The following ADCY2 variants were observed in gnomAD, a reference collection of about 807,000 sequenced individuals.
The protein encoded by ADCY2 is adenylate cyclase type 2.
Under a neutral mutation model 125.2 loss-of-function variants are expected in ADCY2, and 31 were observed. The ratio of observed to expected loss-of-function variants is 0.25; its 90% CI spans 0.19 to 0.33. The LOEUF (loss-of-function observed/expected upper bound fraction) is 0.33, where lower values mean the gene tolerates loss of function less well. Ranked by LOEUF, ADCY2 falls within the 10% of genes least tolerant of loss-of-function variation. The pLI is 1.00. For synonymous variants in ADCY2, 512 were observed against 548.4 expected (o/e 0.93, Z 0.93); for missense variants, 904 against 1,418.2 (o/e 0.64, Z 5.82).
rs1455407570 is a variant in ADCY2, at chr5:7,717,096, T to A, written c.1623-61T>A. Reference sequence around the variant, plus strand: ...TAAAATATTATGTATCTCTAAAAAATTGGCTTAATATTTATTTTACTAATA... The same window carrying A: ...TAAAATATTATGTATCTCTAAAAAAATGGCTTAATATTTATTTTACTAATA... On this transcript the variant is annotated intron_variant, in intron 11 of 24. Coordinates refer to ENST00000338316, the MANE Select transcript of ADCY2 (RefSeq NM_020546.3). 2.8e-6 allele frequency: 3 copies of A among 1,087,842 alleles called. No individual in the cohort carries two copies. The African/African-American group carries it at 4.8e-5, about 17-fold the overall frequency. The allele number at this position is 1,087,842 out of a possible 1,614,324, so 67.4% of individuals were successfully genotyped here.
At chr5:7,761,661 A>T (rs183457730) in intron 16 of ADCY2, among the ~76,000 whole-genome samples, 1 of 152,206 alleles carries the variant, frequency 6.6e-6, no homozygotes, top group Non-Finnish European at 1.5e-5. Flanking sequence ...TTTTCGTAAC[A>T]TCTAGTTTGA....
chr5:7,621,931 C>A (rs1237267378), intron 3 of ADCY2, among the ~76,000 whole-genome samples: 1 of 152,158 alleles, frequency 6.6e-6, no homozygotes, highest in African/African-American at 2.4e-5. Flanking sequence ...AATTTCAAGA[C>A]CTGGTTTTAA....
At chr5:7,656,665 T>C (rs191050611) in intron 4 of ADCY2, among the ~76,000 whole-genome samples, 327 of 152,310 alleles carry the variant, frequency 2.1e-3, no homozygotes, top group African/African-American at 7.5e-3. Context: ...GAATTCTATA[T>C]GGCAGCATTT....
intron 2 of ADCY2, among the ~76,000 whole-genome samples, chr5:7,432,210 C>T (rs749540366): frequency 4.6e-5 from 7 of 152,058 alleles, no homozygotes; most frequent in Non-Finnish European, 1.0e-4. Flanking sequence ...CCCTTCCCAC[C>T]GAGAGCCACT....
At chr5:7,467,737 C>T (rs927374089) in intron 2 of ADCY2, among the ~76,000 whole-genome samples, 3 of 152,234 alleles carry the variant, frequency 2.0e-5, no homozygotes, top group Non-Finnish European at 1.5e-5. Flanking sequence ...TCTCTCTCTA[C>T]AGTCTCTTAG....
intron 1 of ADCY2, among the ~76,000 whole-genome samples, chr5:7,410,770 A>G (rs1165862630): frequency 6.6e-6 from 1 of 152,168 alleles, no homozygotes; most frequent in Non-Finnish European, 1.5e-5. Flanking sequence ...GTGAGGATAC[A>G]TAGGAATATT....
intron 22 of ADCY2, among the ~76,000 whole-genome samples, chr5:7,814,036 A>G (rs889987864): frequency 2.7e-4 from 41 of 151,396 alleles, no homozygotes; most frequent in African/African-American, 9.3e-4. Flanking sequence ...AAAAAAAAAT[A>G]CTAGTGAGCT....
chr5:7,825,032 G>C (rs1217486796), intron 24 of ADCY2, among the ~76,000 whole-genome samples: 2 of 152,046 alleles, frequency 1.3e-5, no homozygotes, highest in Non-Finnish European at 2.9e-5. Flanking sequence ...CCATAACACT[G>C]CTGTGTGCCA....
chr5:7,480,763 A>C (rs1332741386), intron 2 of ADCY2, among the ~76,000 whole-genome samples: 3 of 152,224 alleles, frequency 2.0e-5, no homozygotes, highest in Non-Finnish European at 4.4e-5. Context: ...ATAAAAGTTG[A>C]ATTAAAAATA....
intron 2 of ADCY2, among the ~76,000 whole-genome samples, chr5:7,510,476 G>A (rs1744013361): frequency 6.6e-6 from 1 of 152,182 alleles, no homozygotes; most frequent in African/African-American, 2.4e-5. Flanking sequence ...TTACCATAGA[G>A]GCTGATTCAG....
chr5:7,676,509 C>T (rs757791476), intron 4 of ADCY2, among the ~76,000 whole-genome samples: 6 of 68,358 alleles, frequency 8.8e-5, no homozygotes, highest in Non-Finnish European at 3.5e-5. Context: ...AAAACATCAA[C>T]ATGAATTAAA....
intron 17 of ADCY2, among the ~76,000 whole-genome samples, chr5:7,771,484 T>C (rs138198934): frequency 9.2e-5 from 14 of 152,334 alleles, no homozygotes; most frequent in Non-Finnish European, 1.9e-4. Context: ...ACCCAGTTGA[T>C]GTGTAATCCA....
chr5:7,522,691 A>AGAAG (rs1025376035), intron 3 of ADCY2: 5 of 149,214 alleles, frequency 3.4e-5, no homozygotes, highest in African/African-American at 1.3e-4. Context: ...TCACAAGGTC[A>AGAAG]GGAGATCAAG....
chr5:7,727,578 C>T lies in ADCY2; in HGVS notation c.1871+317C>T, dbSNP rs78521957. Reference sequence around the variant, plus strand: ...AATGTAGCCCAATAAACTTTACCCACAAAGAGTGCAATCCCCAGATGTGGT... The same window carrying T: ...AATGTAGCCCAATAAACTTTACCCATAAAGAGTGCAATCCCCAGATGTGGT... On this transcript the variant is annotated intron_variant, in intron 14 of 24. Transcript: ENST00000338316. Among the ~76,000 whole-genome samples the T allele has an allele frequency of 2.6e-3, 392 of 152,252 alleles. 4 individuals carry two copies. Among genetic ancestry groups the T allele is most frequent in the Middle Eastern group, 0.014 (4 of 294 alleles).
intron 2 of ADCY2, among the ~76,000 whole-genome samples, chr5:7,450,248 C>T (rs991737961): frequency 2.0e-5 from 3 of 152,104 alleles, no homozygotes; most frequent in African/African-American, 7.2e-5. Context: ...GTTGTGAATC[C>T]AAAGGAAACG....
intron 3 of ADCY2, among the ~76,000 whole-genome samples, chr5:7,588,822 T>C (rs571706097): frequency 6.6e-6 from 1 of 152,316 alleles, no homozygotes; most frequent in East Asian, 1.9e-4. Context: ...GCAGGACTGA[T>C]TTGGCCTGCA....
At chr5:7,659,760 A>G (rs1000189678) in intron 4 of ADCY2, among the ~76,000 whole-genome samples, 16 of 152,326 alleles carry the variant, frequency 1.1e-4, no homozygotes, top group Admixed American at 3.9e-4. Context: ...GTAGTTGGAA[A>G]ACTCGACTTT....
At chr5:7,750,319 G>C (rs1461269103) in intron 15 of ADCY2, among the ~76,000 whole-genome samples, 1 of 152,044 alleles carries the variant, frequency 6.6e-6, no homozygotes, top group East Asian at 1.9e-4. Flanking sequence ...GATTAACAAA[G>C]TATATTATTA....
intron 14 of ADCY2, among the ~76,000 whole-genome samples, chr5:7,736,039 C>A (rs943116627): frequency 1.3e-5 from 2 of 151,984 alleles, no homozygotes; most frequent in African/African-American, 4.8e-5. Context: ...GGCAAAGGGG[C>A]AAAACCCCCT....
Sources: gnomAD v4.1 joint callset for allele counts (sites outside exome capture counted in the v4.1 genomes callset) on GRCh38, gnomAD v4.1.1 for gene constraint, MANE v1.5 for transcripts, NCBI Gene and HGNC (gene_info 2026-07-23, HGNC 2026-07-21) for gene names.